The following ZNF688 variants were observed in gnomAD, a reference collection of about 807,000 sequenced individuals.
The protein encoded by ZNF688 is zinc finger protein 688.
A neutral mutation model predicts 13.2 loss-of-function variants in ZNF688; 10 were observed. The observed-to-expected ratio is 0.76, with a 90% CI of 0.47 to 1.28. ZNF688 has a LOEUF of 1.28. Ranked by LOEUF, ZNF688 falls within the 50% of genes most tolerant of loss-of-function variation. ZNF688 has a pLI of 0.00. For missense variants in ZNF688, 381 were observed against 391.4 expected, an observed-to-expected ratio of 0.97 and a Z score of 0.22; for synonymous variants, 160 against 159.4, an observed-to-expected ratio of 1.00 and a Z score of -0.03.
chr16:30,570,609 T>C, intron 2 of ZNF688, 173 bp from the exon 3 acceptor site: 1 of 728,626 alleles, frequency 1.4e-6, no homozygotes, highest in South Asian at 2.1e-5. Flanking sequence ...ATCTGAGCCT[T>C]GGTTCCTTAT....
the ZNF688 span, among the ~76,000 whole-genome samples, chr16:30,577,869 C>A: frequency 6.6e-6 from 1 of 151,756 alleles, no homozygotes; most frequent in African/African-American, 2.4e-5. Flanking sequence ...GGGGTTTTGC[C>A]ATGTTGGCCA....
chr16:30,572,130 A>G (rs2051696583), upstream of ZNF688: 7 of 1,598,850 alleles, frequency 4.4e-6, no homozygotes, highest in Non-Finnish European at 6.0e-6. Flanking sequence ...ACCCCTCTGT[A>G]CCCGCAATAC....
chr16:30,573,406 G>T (rs1354613346), upstream of ZNF688, among the ~76,000 whole-genome samples: 1 of 152,132 alleles, frequency 6.6e-6, no homozygotes, highest in Non-Finnish European at 1.5e-5. Flanking sequence ...CTAGATTTAA[G>T]GTCTTTATTT....
Position 30,570,000 on chromosome 16 carries a change from A to G in ZNF688, c.747T>C (p.Ala249=), listed in dbSNP as rs776019745. The G allele has an allele frequency of 2.8e-5, 45 of 1,609,906 alleles. No individual in the cohort carries two copies. The highest frequency in any genetic ancestry group is 1.8e-4 in the Middle Eastern group (1 of 5,590). ...GRRGRRPGIR[A]VPRAPVRGDR... is the part of the protein sequence containing the mutation. ...CACCTCGGACGGGGGCCCGAGGCAC[A>G]GCCCGGATCCCAGGCCTCCGGCCCC... The change falls in exon 3 of 3, where the codon GCT becomes GCC. Residue 249 remains alanine, a synonymous_variant. Coordinates refer to ENST00000223459, the MANE Select transcript of ZNF688 (RefSeq NM_145271.4).
upstream of ZNF688, chr16:30,572,141 G>A (rs773259064): frequency 2.5e-6 from 4 of 1,601,200 alleles, no homozygotes; most frequent in South Asian, 2.2e-5. Flanking sequence ...CCCGCAATAC[G>A]CAACGGCCGA....
chr16:30,576,476 C>T (rs1297050175), upstream of ZNF688, among the ~76,000 whole-genome samples: 1 of 152,290 alleles, frequency 6.6e-6, no homozygotes, highest in East Asian at 1.9e-4. Flanking sequence ...TCCCAAAGTG[C>T]TGGGATTACA....
intron 2 of ZNF688, chr16:30,570,701 A>C (rs565602482): frequency 5.1e-6 from 2 of 389,960 alleles, no homozygotes; most frequent in East Asian, 7.6e-5. Context: ...GCACTTAGGA[A>C]GTGCTCAGGA....
chr16:30,571,205 C>T lies in ZNF688; in HGVS notation c.197-82G>A, dbSNP rs759541123. Reference sequence around the variant, plus strand: ...ATTCCCCTCCAGGCTGAGGGCACCCCCTCGGAGCTTATACTCAACCTGGAA... The same window carrying T: ...ATTCCCCTCCAGGCTGAGGGCACCCTCTCGGAGCTTATACTCAACCTGGAA... On this transcript the variant is annotated intron_variant, in intron 1 of 2. Transcript: ENST00000223459. 5.2e-6 allele frequency: 8 copies of T among 1,524,586 alleles called. No homozygotes were observed. In the South Asian group the frequency reaches 6.2e-5, roughly 12 times the overall value. The allele number at this position is 1,524,586 out of a possible 1,614,324, so 94.4% of individuals were successfully genotyped here.
At chr16:30,575,989 C>T (rs1463439675), upstream of ZNF688, among the ~76,000 whole-genome samples, 1 of 152,118 alleles carries the variant, frequency 6.6e-6, no homozygotes, top group Non-Finnish European at 1.5e-5. Flanking sequence ...CTTGCCAATA[C>T]CTGTCATGTT....
chr16:30,573,203 G>A (rs562118724), upstream of ZNF688, among the ~76,000 whole-genome samples: 2 of 152,324 alleles, frequency 1.3e-5, no homozygotes, highest in African/African-American at 4.8e-5. Context: ...CACGGCGCCC[G>A]GCCCTGCCAT....
upstream of ZNF688, among the ~76,000 whole-genome samples, chr16:30,576,633 G>A (rs879818577): frequency 1.3e-5 from 2 of 152,132 alleles, no homozygotes; most frequent in Non-Finnish European, 2.9e-5. Context: ...GATTATAGGC[G>A]TGAGCCACCA....
At chr16:30,572,684 ACCTCAG>A (rs2051705442), upstream of ZNF688, 1 of 158,772 alleles carries the variant, frequency 6.3e-6, no homozygotes. Flanking sequence ...CGATCTTCTC[ACCTCAG>A]CCTCCCGAGT....
the ZNF688 span, chr16:30,578,884 A>G: frequency 6.8e-6 from 1 of 146,898 alleles, no homozygotes; most frequent in East Asian, 2.0e-4. Context: ...TGGCGCCATC[A>G]TAGCTCACTA....
At chr16:30,570,459 C>A (rs772818349) in intron 2 of ZNF688, 23 bp from the exon 3 acceptor site, 1 of 1,595,546 alleles carries the variant, frequency 6.3e-7, no homozygotes, top group East Asian at 2.2e-5. Context: ...AATTAAGTTA[C>A]ACTTACAAAC....
Position 30,570,191 on chromosome 16 carries a change from T to C in ZNF688, c.556A>G (p.Thr186Ala). The C allele has an allele frequency of 6.2e-7, 1 of 1,611,922 alleles. No individual in the cohort carries two copies. Among genetic ancestry groups the C allele is most frequent in the Non-Finnish European group, 8.5e-7 (1 of 1,179,318 alleles). ...AQAGQRRHVC[T>A]DCGRRFTYPS... ...TAGGTGAAGCGGCGGCCGCAGTCCG[T>C]GCACACGTGGCGCCGCTGGCCGGCC... The change falls in exon 3 of 3, where the codon ACG becomes GCG. Residue 186 changes from threonine (T) to alanine (A), a missense_variant. Coordinates refer to ENST00000223459, the MANE Select transcript of ZNF688 (RefSeq NM_145271.4).
At chr16:30,570,540 G>A in intron 2 of ZNF688, 104 bp from the exon 3 acceptor site, 1 of 1,374,956 alleles carries the variant, frequency 7.3e-7, no homozygotes, top group South Asian at 1.4e-5. Flanking sequence ...TCTGTCCAGT[G>A]ATTAACACAC....
At chr16:30,572,217 G>T (rs370108393), upstream of ZNF688, 1 of 1,603,556 alleles carries the variant, frequency 6.2e-7, no homozygotes, top group East Asian at 2.3e-5. Flanking sequence ...GCATTTGAAG[G>T]GACCCCGCGG....
upstream of ZNF688, among the ~76,000 whole-genome samples, chr16:30,576,595 C>T (rs570048898): frequency 5.0e-4 from 76 of 152,240 alleles, no homozygotes; most frequent in African/African-American, 1.8e-3. Flanking sequence ...TCAGGTGATC[C>T]GCCCACCTCG....
chr16:30,571,123 C>T lies in ZNF688; in HGVS notation c.197G>A (p.Gly66Glu), dbSNP rs752898969. The change falls in exon 2 of 3, where the codon GGA (glycine) becomes GAA (glutamate). Residue 66 changes from glycine to glutamate, a missense_variant and splice_region_variant. Gly to Glu is a moderately conservative substitution (Grantham distance 98). Transcript: ENST00000223459. ...GAGGGCTGGTTTGGGGCCTGGGAAT[C>T]CTGGGAGAGAACAGGGATCACAGCG... ...QETYGHLGAL[G>E]FPGPKPALIS... 1 of 1,574,066 alleles carries T rather than the reference C, an allele frequency of 6.4e-7. No homozygotes were observed. The highest frequency in any genetic ancestry group is 2.3e-5 in the East Asian group (1 of 44,380).
Sources: gnomAD v4.1 joint callset for allele counts (sites outside exome capture counted in the v4.1 genomes callset) on GRCh38, gnomAD v4.1.1 for gene constraint, MANE v1.5 for transcripts, NCBI Gene and HGNC (gene_info 2026-07-23, HGNC 2026-07-21) for gene names.